The following CCNYL1 variants were observed in gnomAD, a reference collection of about 807,000 sequenced individuals.
CCNYL1 encodes cyclin Y like 1.
A neutral mutation model predicts 44.2 loss-of-function variants in CCNYL1; 16 were observed. The ratio of observed to expected loss-of-function variants is 0.36; its 90% CI spans 0.25 to 0.55. The LOEUF (loss-of-function observed/expected upper bound fraction) is 0.55. Among genes scored for constraint, CCNYL1 ranks in the 20% least tolerant of loss-of-function variants. The pLI is 0.85. For missense variants in CCNYL1, 348 were observed against 451.8 expected, an observed-to-expected ratio of 0.77 and a Z score of 2.08; for synonymous variants, 159 against 163.2, an observed-to-expected ratio of 0.97 and a Z score of 0.20.
At chr2:207,734,896 A>G (rs1014915520) in intron 4 of CCNYL1, among the ~76,000 whole-genome samples, 3 of 152,194 alleles carry the variant, frequency 2.0e-5, no homozygotes, top group Non-Finnish European at 2.9e-5. Context: ...GTGTTTCAGC[A>G]CAAACTGGAC....
intron 1 of CCNYL1, among the ~76,000 whole-genome samples, chr2:207,723,653 ATCACCTGGGG>A (rs1300617926): frequency 1.3e-5 from 2 of 152,062 alleles, no homozygotes; most frequent in Non-Finnish European, 2.9e-5. Flanking sequence ...AGGTGGGTGG[ATCACCTGGGG>A]TCAGGAGTTT....
Position 207,742,292 on chromosome 2 carries a change from A to C in CCNYL1, c.589A>C (p.Thr197Pro). The C allele has an allele frequency of 4.3e-6, 7 of 1,613,254 alleles. No homozygotes were observed. Among genetic ancestry groups the C allele is most frequent in the Non-Finnish European group, 5.9e-6 (7 of 1,179,782 alleles). Residue 197 changes from threonine to proline, a missense_variant, in exon 7 of 10, where the codon ACT (threonine) becomes CCT (proline). Thr to Pro is a conservative substitution (Grantham distance 38, BLOSUM62 -1). Around this residue, in one of 3 missense-constraint regions of CCNYL1, gnomAD observed 45 missense variants for 101.7 expected, o/e 0.44. Transcript: ENST00000295414. Reference protein sequence around the residue: ...EHKFIYRFVRTLFSAAQLTAE... With the variant: ...EHKFIYRFVRPLFSAAQLTAE... Reference sequence around the variant, plus strand: ...CAAATTTATTTACAGATTTGTTCGTACTCTTTTTAGTGCTGCACAGCTAAC... The same window carrying C: ...CAAATTTATTTACAGATTTGTTCGTCCTCTTTTTAGTGCTGCACAGCTAAC...
At chr2:207,752,660 G>T (rs2091902210) in intron 9 of CCNYL1, among the ~76,000 whole-genome samples, 1 of 152,166 alleles carries the variant, frequency 6.6e-6, no homozygotes, top group Non-Finnish European at 1.5e-5. Flanking sequence ...CAACTGAAAT[G>T]GACACATATT....
At chr2:207,744,559 C>T (rs1012009720) in intron 7 of CCNYL1, among the ~76,000 whole-genome samples, 4 of 150,760 alleles carry the variant, frequency 2.7e-5, no homozygotes, top group East Asian at 1.9e-4. Context: ...AAGTAGAGAC[C>T]GGGCTTCGCC....
In CCNYL1 at chr2:207,724,894, T is replaced by C. The variant is rs770181487; in HGVS notation, c.295+20T>C. ...CGGATGGTAAGACAATACTGTTTTT[T>C]CCTTCCAAGGAAAAGACTGAAAACT... is the stretch of plus-strand genomic sequence containing the variant. On this transcript the variant is annotated intron_variant, in intron 2 of 9. Transcript: ENST00000295414. The C allele has an allele frequency of 6.3e-7, 1 of 1,582,598 alleles. No individual in the cohort carries two copies. The highest frequency in any genetic ancestry group is 1.1e-5 in the South Asian group (1 of 87,786).
chr2:207,718,989 ACT>A (rs1364348515), intron 1 of CCNYL1, among the ~76,000 whole-genome samples: 1 of 151,716 alleles, frequency 6.6e-6, no homozygotes, highest in East Asian at 1.9e-4. Context: ...AAAAAAAAAA[ACT>A]CTCTTTACTG....
chr2:207,753,760 A>G lies in CCNYL1; in HGVS notation c.*62A>G. On this transcript the variant is annotated 3_prime_UTR_variant, in exon 10 of 10. Coordinates refer to ENST00000295414, the MANE Select transcript of CCNYL1 (RefSeq NM_001330218.2). ...CATCTACAAAGACTGGAGAAATACCACCTTTCCTGCTCAAAAACCAGCAAA... is the reference window on the plus strand; with the variant it reads ...CATCTACAAAGACTGGAGAAATACCGCCTTTCCTGCTCAAAAACCAGCAAA... 1.9e-6 allele frequency: 2 copies of G among 1,050,854 alleles called. No individual in the cohort carries two copies. The highest frequency in any genetic ancestry group is 2.9e-6 in the Non-Finnish European group (2 of 696,902). 65.1% of individuals were successfully genotyped at this position (1,050,854 alleles called of 1,614,324 possible). A position where few individuals can be genotyped will look rare whatever the true frequency, so the allele number is the denominator to read the frequency against.
chr2:207,712,113 G>C lies in CCNYL1; in HGVS notation c.217G>C (p.Glu73Gln). 6.3e-7 allele frequency: 1 copy of C among 1,597,848 alleles called. No individual in the cohort carries two copies. The highest frequency in any genetic ancestry group is 1.1e-5 in the South Asian group (1 of 90,524). The part of the protein sequence containing the change: ...LQHISDREMP[E>Q]DLALESNPSD... ...GCACATCAGCGACCGCGAGATGCCC[G>C]AAGGTAAGGAGGCGGCGGATGCCAT... Residue 73 changes from glutamate (E) to glutamine (Q), a missense_variant, in exon 1 of 10, where the codon GAA (glutamate) becomes CAA (glutamine). Coordinates refer to ENST00000295414, the MANE Select transcript of CCNYL1 (RefSeq NM_001330218.2).
At chr2:207,729,268 C>CCCCCCCCCCCG (rs2091705496) in intron 3 of CCNYL1, among the ~76,000 whole-genome samples, 1 of 102,358 alleles carries the variant, frequency 9.8e-6, no homozygotes, top group African/African-American at 4.9e-5. Flanking sequence ...CCGCCCCCAC[C>CCCCCCCCCCCG]CCACCCCCCC....
intron 1 of CCNYL1, among the ~76,000 whole-genome samples, chr2:207,714,146 C>A (rs572752961): frequency 7.2e-5 from 11 of 152,214 alleles, no homozygotes; most frequent in African/African-American, 2.4e-5. Context: ...CTCAGACTGA[C>A]ATGGAGGTGA....
chr2:207,712,751 G>T (rs2091561333), intron 1 of CCNYL1, among the ~76,000 whole-genome samples: 1 of 152,184 alleles, frequency 6.6e-6, no homozygotes, highest in Non-Finnish European at 1.5e-5. Context: ...CAGAAAGAAA[G>T]AAAATGGGGG....
chr2:207,743,176 G>A (rs1363893854), intron 7 of CCNYL1, among the ~76,000 whole-genome samples: 1 of 152,184 alleles, frequency 6.6e-6, no homozygotes, highest in African/African-American at 2.4e-5. Context: ...TCAGACTTAG[G>A]CCTTTTCATG....
At chr2:207,746,542 T>C (rs2091856377) in intron 7 of CCNYL1, among the ~76,000 whole-genome samples, 1 of 152,194 alleles carries the variant, frequency 6.6e-6, no homozygotes. Context: ...ATGGGCAGAA[T>C]AGGCAGCAGA....
At chr2:207,717,257 G>A (rs1346362415) in intron 1 of CCNYL1, among the ~76,000 whole-genome samples, 2 of 151,980 alleles carry the variant, frequency 1.3e-5, no homozygotes, top group East Asian at 3.8e-4. Flanking sequence ...TAAAAGATTT[G>A]ATGCTTACCA....
At chr2:207,733,921 T>G (rs1451481367) in intron 3 of CCNYL1, 26 bp from the exon 4 acceptor site, 1 of 1,433,282 alleles carries the variant, frequency 7.0e-7, no homozygotes, top group African/African-American at 1.4e-5. Context: ...ACTGTGACAT[T>G]TTCTTCTATT....
At chr2:207,734,662 C>G (rs935366319) in intron 4 of CCNYL1, among the ~76,000 whole-genome samples, 2 of 152,226 alleles carry the variant, frequency 1.3e-5, no homozygotes, top group Admixed American at 1.3e-4. Context: ...ATTTTCAGAA[C>G]ACCGTTGGGA....
At chr2:207,737,516 G>T in intron 5 of CCNYL1, 70 bp downstream of exon 5, 1 of 1,249,862 alleles carries the variant, frequency 8.0e-7, no homozygotes, top group Admixed American at 1.9e-5. Context: ...TCAGTATTAG[G>T]TCATAACTAT....
intron 7 of CCNYL1, among the ~76,000 whole-genome samples, chr2:207,743,743 C>T (rs973263885): frequency 2.0e-5 from 3 of 152,178 alleles, no homozygotes; most frequent in Admixed American, 6.5e-5. Flanking sequence ...GTGTTAAATG[C>T]TGCCAAGAAG....
chr2:207,731,976 A>G lies in CCNYL1; in HGVS notation c.331-1971A>G, dbSNP rs538755931. Among the ~76,000 whole-genome samples the G allele has an allele frequency of 4.8e-4, 73 of 151,930 alleles. 1 individual carries two copies. The highest frequency in any genetic ancestry group is 7.5e-4 in the Non-Finnish European group (51 of 67,950). On this transcript the variant is annotated intron_variant, in intron 3 of 9. Transcript: ENST00000295414. ...GGGAGCCCACCACCACGCTTGGCTA[A>G]TTTTTGTATTTTTAGTAGAGATAGG...
Sources: allele counts gnomAD v4.1 joint callset (sites outside exome capture counted in the v4.1 genomes callset), GRCh38; gene constraint gnomAD v4.1.1; regional missense constraint gnomAD v4.1.1; transcripts MANE v1.5; gene names NCBI Gene and HGNC (gene_info 2026-07-23, HGNC 2026-07-21).